PTPRA: variants seen among roughly 807,000 people sequenced by gnomAD.
The protein encoded by PTPRA is protein tyrosine phosphatase receptor type A.
A neutral mutation model predicts 104.8 loss-of-function variants in PTPRA; 25 were observed. The observed-to-expected ratio is 0.24, with a 90% CI of 0.17 to 0.33. PTPRA has a LOEUF of 0.33. PTPRA is among the 10% of genes least tolerant of loss of function. PTPRA has a pLI of 1.00. For missense variants in PTPRA, 765 were observed against 1,015.3 expected (o/e 0.75, Z 3.35); for synonymous variants, 323 against 368.9 (o/e 0.88, Z 1.43).
intron 2 of PTPRA, among the ~76,000 whole-genome samples, chr20:2,932,100 T>C (rs981203235): frequency 6.6e-6 from 1 of 152,134 alleles, no homozygotes; most frequent in Non-Finnish European, 1.5e-5. Flanking sequence ...AAAGCTAAAA[T>C]TGAGTAGTCA....
At chr20:2,911,908 A>T (rs2147240916) in intron 1 of PTPRA, among the ~76,000 whole-genome samples, 1 of 152,238 alleles carries the variant, frequency 6.6e-6, no homozygotes, top group Middle Eastern at 3.4e-3. Flanking sequence ...CAAACTAAAG[A>T]TAGATGGTTG....
intron 2 of PTPRA, among the ~76,000 whole-genome samples, chr20:2,943,211 C>CCG: frequency 1.0e-5 from 1 of 99,926 alleles, no homozygotes. Flanking sequence ...ACATATCCCC[C>CCG]CACCCCCCCC....
chr20:2,910,409 T>TATATTAC (rs1467087697), intron 1 of PTPRA, among the ~76,000 whole-genome samples: 2 of 14,684 alleles, frequency 1.4e-4, no homozygotes, highest in African/African-American at 1.6e-3. Flanking sequence ...ATATATTTTG[T>TATATTAC]ATATTATATA....
intron 6 of PTPRA, among the ~76,000 whole-genome samples, chr20:2,980,038 G>T (rs2062606218): frequency 6.6e-6 from 1 of 152,024 alleles, no homozygotes; most frequent in African/African-American, 2.4e-5. Context: ...TCAGCCCCCA[G>T]AGTAGCTGGG....
intron 1 of PTPRA, among the ~76,000 whole-genome samples, chr20:2,922,762 A>G (rs769964364): frequency 7.9e-5 from 12 of 151,510 alleles, no homozygotes; most frequent in Admixed American, 1.3e-4. Context: ...AGCCTCCTGA[A>G]CAGCTGAGAT....
intron 2 of PTPRA, among the ~76,000 whole-genome samples, chr20:2,943,400 G>C (rs2061002691): frequency 6.6e-6 from 1 of 152,070 alleles, no homozygotes; most frequent in South Asian, 2.1e-4. Context: ...TAGTCTGCTG[G>C]AGAATTCCCT....
At chr20:2,971,629 G>A (rs1390363070) in intron 5 of PTPRA, among the ~76,000 whole-genome samples, 1 of 152,176 alleles carries the variant, frequency 6.6e-6, no homozygotes, top group Non-Finnish European at 1.5e-5. Context: ...CTGACACTAA[G>A]GAGGACACTT....
At chr20:2,921,849 T>C (rs966075471) in intron 1 of PTPRA, among the ~76,000 whole-genome samples, 2 of 152,190 alleles carry the variant, frequency 1.3e-5, no homozygotes, top group Admixed American at 6.5e-5. Flanking sequence ...TAGAAATGGC[T>C]AGGCTCTTGT....
At chr20:2,918,821 T>C (rs891290234) in intron 1 of PTPRA, among the ~76,000 whole-genome samples, 23 of 152,122 alleles carry the variant, frequency 1.5e-4, no homozygotes, top group Non-Finnish European at 3.4e-4. Context: ...GATTTTGGAG[T>C]CATGTACACC....
chr20:2,969,351 A>G (rs1346889927), intron 5 of PTPRA, among the ~76,000 whole-genome samples: 57 of 151,546 alleles, frequency 3.8e-4, no homozygotes, highest in Admixed American at 3.7e-3. Flanking sequence ...GGGTTCAAAC[A>G]ATTCTCCTGC....
rs2065861681 is a variant in PTPRA at position 3,037,562 on chromosome 20, GTAAGGAAGAT to G, written c.2334+274_2334+283del. ...ATCTGTACTTCTCTGTGGGTCTTGGGTAAGGAAGATCCATGAAGAGTACCTGCCTTTGGGC... is the reference window on the plus strand; with the variant it reads ...ATCTGTACTTCTCTGTGGGTCTTGGGCCATGAAGAGTACCTGCCTTTGGGC... On this transcript the variant is annotated intron_variant, in intron 23 of 23. Coordinates refer to ENST00000399903, the MANE Select transcript of PTPRA (RefSeq NM_001385305.1). This position sits in a 1 kb window ranked among gnomAD's most constrained non-coding sequence, Gnocchi z 4.3. Among the ~76,000 whole-genome samples the G allele has an allele frequency of 6.6e-6, 1 of 152,242 alleles. No homozygotes were observed. Among genetic ancestry groups the G allele is most frequent in the Non-Finnish European group, 1.5e-5 (1 of 68,036 alleles).
chr20:3,019,267 C>T (rs970408878), intron 13 of PTPRA, among the ~76,000 whole-genome samples: 10 of 150,596 alleles, frequency 6.6e-5, no homozygotes, highest in African/African-American at 2.0e-4. Context: ...CCCCCCACCT[C>T]CCTCCCGGAC....
At chr20:2,923,784 A>T (rs2060187649) in intron 2 of PTPRA, among the ~76,000 whole-genome samples, 1 of 152,064 alleles carries the variant, frequency 6.6e-6, no homozygotes, top group Admixed American at 6.6e-5. Context: ...GGCACCAAAG[A>T]ATGAAACTCC....
At position 2,959,966 on chromosome 20, in the gene PTPRA, G is replaced by C. The variant is rs929183725; in HGVS notation, c.-6-4306G>C. On this transcript the variant is annotated intron_variant, in intron 3 of 23. Transcript: ENST00000399903. ...ACTCCGTCCTAAAAAAAGAAAGAAAGAAAATATAGAGCATTCCTAAATACC... is the reference window on the plus strand; with the variant it reads ...ACTCCGTCCTAAAAAAAGAAAGAAACAAAATATAGAGCATTCCTAAATACC... Among the ~76,000 whole-genome samples, 19 of 152,016 alleles carry C rather than the reference G, an allele frequency of 1.2e-4. 1 individual carries two copies. The highest frequency in any genetic ancestry group is 1.0e-3 in the Admixed American group (16 of 15,256).
chr20:3,029,728 A>G (rs1259201164), intron 20 of PTPRA, among the ~76,000 whole-genome samples: 2 of 151,806 alleles, frequency 1.3e-5, no homozygotes, highest in East Asian at 1.9e-4. Context: ...GGGTTTCACC[A>G]TGTTGGCCAG....
chr20:3,027,713 C>A lies in PTPRA; in HGVS notation c.1792C>A (p.Arg598=), dbSNP rs370209533. The part of the protein sequence containing the change: ...YVNASFIDGY[R]QKDSYIASQG... ...ATTAACCTGGCCTGTGCAGGGCTAC[C>A]GGCAGAAGGACTCCTATATCGCCAG... Residue 598 remains arginine (R), a synonymous_variant, in exon 20 of 24, where the codon CGG becomes AGG. Coordinates refer to ENST00000399903, the MANE Select transcript of PTPRA (RefSeq NM_001385305.1). The A allele has an allele frequency of 4.3e-6, 7 of 1,613,702 alleles. No individual in the cohort carries two copies.
At chr20:2,913,353 GGGTGACA>G (rs1244723471) in intron 1 of PTPRA, among the ~76,000 whole-genome samples, 1 of 152,144 alleles carries the variant, frequency 6.6e-6, no homozygotes, top group Non-Finnish European at 1.5e-5. Flanking sequence ...ATTCCAGCCT[GGGTGACA>G]GAGTGAGACC....
At chr20:2,945,585 GTGTGTGT>G (rs2061096336) in intron 2 of PTPRA, among the ~76,000 whole-genome samples, 1 of 21,596 alleles carries the variant, frequency 4.6e-5, no homozygotes, top group African/African-American at 1.5e-3. Context: ...ATTGGCAGGT[GTGTGTGT>G]GTGTGTGTGT....
intron 3 of PTPRA, among the ~76,000 whole-genome samples, chr20:2,952,858 A>G (rs2061399729): frequency 6.6e-6 from 1 of 152,200 alleles, no homozygotes; most frequent in African/African-American, 2.4e-5. Flanking sequence ...AATGTCTTCA[A>G]GTTTCATCCA....
Sources: gnomAD v4.1 joint callset for allele counts (sites outside exome capture counted in the v4.1 genomes callset) on GRCh38, gnomAD v4.1.1 for gene constraint, Gnocchi (gnomAD v3.1) non-coding constraint, MANE v1.5 for transcripts, NCBI Gene and HGNC (gene_info 2026-07-23, HGNC 2026-07-21) for gene names.